The following WWOX variants were observed in gnomAD, a reference collection of about 807,000 sequenced individuals.
WWOX encodes WW domain-containing oxidoreductase.
WWOX carries 69 observed loss-of-function variants against 46.2 expected under a neutral mutation model. That is an observed-to-expected ratio of 1.49 (90% CI 1.23 to 1.82). WWOX has a LOEUF of 1.82. WWOX is among the 40% of genes most tolerant of loss of function. The pLI, the probability that WWOX is intolerant of heterozygous loss-of-function variation, is 0.00. For missense variants in WWOX, 919 were observed against 542.6 expected, an observed-to-expected ratio of 1.69 and a Z score of -6.89; for synonymous variants, 359 against 202.6, an observed-to-expected ratio of 1.77 and a Z score of -6.56.
At chr16:78,344,004 T>G (rs930358060) in intron 5 of WWOX, among the ~76,000 whole-genome samples, 1 of 119,476 alleles carries the variant, frequency 8.4e-6, no homozygotes, top group Non-Finnish European at 2.0e-5. Flanking sequence ...TCATGCCGGC[T>G]CCTTCCTCCC....
At chr16:78,892,059 G>A (rs1020084779) in intron 8 of WWOX, 53 of 152,210 alleles carry the variant, frequency 3.5e-4, no homozygotes, top group African/African-American at 1.2e-3. Flanking sequence ...CTGATAAAAT[G>A]GGTTTTTTTC....
intron 5 of WWOX, among the ~76,000 whole-genome samples, chr16:78,304,260 T>A (rs2080093743): frequency 1.3e-5 from 2 of 152,238 alleles, no homozygotes; most frequent in Admixed American, 6.5e-5. Context: ...TGCATAGGCC[T>A]TTAGCCTTTT....
intron 5 of WWOX, among the ~76,000 whole-genome samples, chr16:78,315,083 C>G (rs1157285948): frequency 1.3e-5 from 2 of 152,118 alleles, no homozygotes; most frequent in Admixed American, 6.5e-5. Flanking sequence ...AGCTATCTAT[C>G]GATTTCTCTT....
intron 5 of WWOX, among the ~76,000 whole-genome samples, chr16:78,309,756 G>A (rs760922378): frequency 4.6e-5 from 7 of 152,162 alleles, no homozygotes; most frequent in Non-Finnish European, 8.8e-5. Flanking sequence ...CTGTTAATAA[G>A]AGAAATGAAA....
chr16:78,839,815 C>G (rs778103693), intron 8 of WWOX, among the ~76,000 whole-genome samples: 4 of 152,122 alleles, frequency 2.6e-5, no homozygotes, highest in Non-Finnish European at 5.9e-5. Flanking sequence ...CTCCTAAAAC[C>G]GTCTCATCAT....
At chr16:79,087,629 T>G (rs892127353) in intron 8 of WWOX, among the ~76,000 whole-genome samples, 7 of 152,192 alleles carry the variant, frequency 4.6e-5, no homozygotes, top group Non-Finnish European at 1.0e-4. Flanking sequence ...CAGAGAAGAA[T>G]TACCTGCCGA....
At chr16:78,798,152 G>T (rs1031135222) in intron 8 of WWOX, among the ~76,000 whole-genome samples, 1 of 152,158 alleles carries the variant, frequency 6.6e-6, no homozygotes, top group Admixed American at 6.5e-5. Flanking sequence ...GGACCAGAGC[G>T]CAGAGGTCAT....
chr16:79,150,449 C>G (rs7194608), intron 8 of WWOX, among the ~76,000 whole-genome samples: 47,489 of 151,924 alleles, frequency 0.31, 8,213 homozygotes, highest in East Asian at 0.52. Flanking sequence ...GCTGTGTATA[C>G]GATGATAAAT....
chr16:78,349,566 G>C (rs35798037), intron 5 of WWOX, among the ~76,000 whole-genome samples: 4,976 of 120,348 alleles, frequency 0.041, 1,421 homozygotes, highest in Non-Finnish European at 0.053. Flanking sequence ...TGACTGTCTT[G>C]CCTGGTGCTG....
At chr16:78,939,916 C>A (rs12921094) in intron 8 of WWOX, among the ~76,000 whole-genome samples, 2 of 152,178 alleles carry the variant, frequency 1.3e-5, no homozygotes, top group South Asian at 2.1e-4. Flanking sequence ...GTTGAAGGCC[C>A]AAGTTTACCC....
chr16:78,489,809 T>A (rs2084735494), intron 8 of WWOX, among the ~76,000 whole-genome samples: 1 of 152,158 alleles, frequency 6.6e-6, no homozygotes, highest in African/African-American at 2.4e-5. Context: ...CAGTTCCGGC[T>A]GGAACACTTG....
At chr16:79,007,486 G>T (rs758655639) in intron 8 of WWOX, among the ~76,000 whole-genome samples, 1 of 152,216 alleles carries the variant, frequency 6.6e-6, no homozygotes, top group African/African-American at 2.4e-5. Flanking sequence ...CTGTTGCAAG[G>T]ATCCGGGAGA....
chr16:78,360,819 C>G (rs1235542555), intron 5 of WWOX, among the ~76,000 whole-genome samples: 1 of 69,148 alleles, frequency 1.4e-5, no homozygotes, highest in Non-Finnish European at 3.2e-5. Context: ...TCCTTGGTGC[C>G]TTTAGTGCTT....
At chr16:78,688,283 A>G (rs1450409179) in intron 8 of WWOX, among the ~76,000 whole-genome samples, 1 of 151,892 alleles carries the variant, frequency 6.6e-6, no homozygotes, top group African/African-American at 2.4e-5. Flanking sequence ...CATCGTCTTT[A>G]TCCTTAGATC....
intron 8 of WWOX, among the ~76,000 whole-genome samples, chr16:78,572,149 A>G (rs150245111): frequency 1.0e-3 from 155 of 152,348 alleles, no homozygotes; most frequent in African/African-American, 3.6e-3. Flanking sequence ...AATTTGTGAT[A>G]GCAAGAACCT....
chr16:78,744,831 C>T (rs1171116257), intron 8 of WWOX, among the ~76,000 whole-genome samples: 1 of 152,140 alleles, frequency 6.6e-6, no homozygotes, highest in Non-Finnish European at 1.5e-5. Flanking sequence ...GGCCTGAAGA[C>T]CCACATGGTG....
chr16:78,525,977 A>G (rs1225677267), intron 8 of WWOX: 1 of 152,206 alleles, frequency 6.6e-6, no homozygotes, highest in African/African-American at 2.4e-5. Flanking sequence ...ATGGTTGCAG[A>G]GCACATGTAT....
intron 8 of WWOX, among the ~76,000 whole-genome samples, chr16:78,966,316 T>A (rs1420508786): frequency 6.6e-6 from 1 of 152,174 alleles, no homozygotes; most frequent in Non-Finnish European, 1.5e-5. Context: ...TGGAACCAAA[T>A]GGAAAACAGT....
chr16:78,841,555 A>G (rs1356885071), intron 8 of WWOX, among the ~76,000 whole-genome samples: 3 of 152,230 alleles, frequency 2.0e-5, no homozygotes, highest in Admixed American at 1.3e-4. Context: ...GTTTACCAAT[A>G]TGATGTCTGT....
Sources: gnomAD v4.1 joint callset for allele counts (sites outside exome capture counted in the v4.1 genomes callset) on GRCh38, gnomAD v4.1.1 for gene constraint, MANE v1.5 for transcripts, NCBI Gene and HGNC (gene_info 2026-07-23, HGNC 2026-07-21) for gene names.